The following SETDB1 variants were observed in gnomAD, a reference collection of about 807,000 sequenced individuals.
The protein encoded by SETDB1 is histone-lysine N-methyltransferase SETDB1.
A neutral mutation model predicts 137.4 loss-of-function variants in SETDB1; 31 were observed. That is an observed-to-expected ratio of 0.23 (90% confidence interval 0.17 to 0.30). The LOEUF (loss-of-function observed/expected upper bound fraction) is 0.30, where lower values mean the gene tolerates loss of function less well. SETDB1 is among the 10% of genes least tolerant of loss of function. SETDB1 has a pLI of 1.00. For synonymous variants in SETDB1, 548 were observed against 579.9 expected (o/e 0.95, Z 0.79); for missense variants, 1,113 against 1,631.5 (o/e 0.68, Z 5.47).
At chr1:150,951,704 C>T (rs1214220546) in intron 14 of SETDB1, among the ~76,000 whole-genome samples, 2 of 152,090 alleles carry the variant, frequency 1.3e-5, no homozygotes, top group Admixed American at 1.3e-4. Flanking sequence ...TAGTATCTAG[C>T]AATTTTCTGT....
chr1:150,930,531 T>TTC (rs1669695678), intron 3 of SETDB1: 1 of 130,894 alleles, frequency 7.6e-6, no homozygotes, highest in South Asian at 2.6e-4. Context: ...TTTTTTTTTT[T>TTC]TTTTTTTTTT....
intron 8 of SETDB1, among the ~76,000 whole-genome samples, chr1:150,944,562 A>G (rs1159569497): frequency 2.0e-5 from 3 of 152,204 alleles, no homozygotes; most frequent in East Asian, 1.9e-4. Context: ...AGGAAGGACT[A>G]ATTTTTTTCA....
intron 3 of SETDB1, among the ~76,000 whole-genome samples, chr1:150,938,182 C>T (rs1457209852): frequency 6.7e-6 from 1 of 148,298 alleles, no homozygotes; most frequent in East Asian, 2.0e-4. Context: ...GATCACACTA[C>T]TGCACTCCAG....
At position 150,950,914 on chromosome 1, in the gene SETDB1, T is replaced by A; in HGVS notation, c.2040T>A (p.Ile680=). The change falls in exon 13 of 22, where the codon ATT becomes ATA. Residue 680 remains isoleucine (I), a synonymous_variant. Coordinates refer to ENST00000692827, the MANE Select transcript of SETDB1 (RefSeq NM_001366418.1). ...AGCCCTATAAGCCTTTTTACTATAT[T>A]TTGGACATCACTTATGGGAAGGAAG... ...KFQPYKPFYY[I]LDITYGKEDV... 1.9e-6 allele frequency: 3 copies of A among 1,614,090 alleles called. No homozygotes were observed. Among genetic ancestry groups the A allele is most frequent in the Non-Finnish European group, 8.5e-7 (1 of 1,180,008 alleles).
At chr1:150,963,264 G>T in intron 19 of SETDB1, 125 bp downstream of exon 19, 1 of 904,594 alleles carries the variant, frequency 1.1e-6, no homozygotes, top group South Asian at 1.7e-5. Context: ...AGCATCTCTG[G>T]GAGGGCTTTC....
chr1:150,934,630 A>C (rs1669892272), intron 3 of SETDB1, among the ~76,000 whole-genome samples: 1 of 152,184 alleles, frequency 6.6e-6, no homozygotes. Flanking sequence ...TGTTTAAAGA[A>C]GGTAAGGGAA....
chr1:150,938,653 G>A (rs1670021488), intron 3 of SETDB1, among the ~76,000 whole-genome samples: 1 of 151,872 alleles, frequency 6.6e-6, no homozygotes. Flanking sequence ...ACAGGCACGT[G>A]CCACCATGCC....
intron 5 of SETDB1, 79 bp downstream of exon 5, chr1:150,941,507 ATTGT>A (rs1670148677): frequency 1.2e-6 from 1 of 846,754 alleles, no homozygotes; most frequent in South Asian, 1.5e-5. Flanking sequence ...ATGTCTGCTA[ATTGT>A]TTGTGACATG....
chr1:150,962,247 C>A, intron 17 of SETDB1, 89 bp downstream of exon 17: 1 of 1,140,302 alleles, frequency 8.8e-7, no homozygotes. Context: ...CAGCTCATTG[C>A]AACCTCCCCC....
chr1:150,958,254 C>CTT lies in SETDB1; in HGVS notation c.2334-910_2334-909dup, dbSNP rs374122454. Among the ~76,000 whole-genome samples, 258 of 94,074 alleles carry CTT rather than the reference C, an allele frequency of 2.7e-3. 2 individuals carry two copies. The highest frequency in any genetic ancestry group is 4.6e-3 in the African/African-American group (114 of 24,542). 61.7% of individuals were successfully genotyped at this position (94,074 alleles called of 152,430 possible). On this transcript the variant is annotated intron_variant, in intron 14 of 21. Transcript: ENST00000692827. ...TTTTTTTTTCTTTTTTTTCTTTTTT[C>CTT]TTTTTTTTTTTTTTTGTGACAGAGT...
intron 3 of SETDB1, among the ~76,000 whole-genome samples, chr1:150,931,450 C>T (rs1334653422): frequency 8.7e-5 from 13 of 149,082 alleles, no homozygotes; most frequent in Admixed American, 6.7e-4. Context: ...CTGGGCGTGG[C>T]GGCGGACGCC....
At chr1:150,930,653 A>T (rs999272128) in intron 3 of SETDB1, among the ~76,000 whole-genome samples, 5 of 140,384 alleles carry the variant, frequency 3.6e-5, no homozygotes, top group African/African-American at 1.3e-4. Context: ...TCGACCTCCC[A>T]ACTAGCTGGG....
chr1:150,962,810 T>G, intron 18 of SETDB1, 91 bp downstream of exon 18: 2 of 1,480,710 alleles, frequency 1.4e-6, no homozygotes, highest in Non-Finnish European at 1.9e-6. Flanking sequence ...CTGTTAGGTC[T>G]TCTCCTACTT....
intron 10 of SETDB1, among the ~76,000 whole-genome samples, chr1:150,947,895 G>C (rs797008931): frequency 6.6e-6 from 1 of 152,088 alleles, no homozygotes; most frequent in Admixed American, 6.6e-5. Context: ...TTTCCCCAAA[G>C]TATAACATAA....
chr1:150,938,749 C>T (rs914998062), intron 3 of SETDB1, among the ~76,000 whole-genome samples: 2 of 151,978 alleles, frequency 1.3e-5, no homozygotes, highest in African/African-American at 2.4e-5. Context: ...GGTGATCTGC[C>T]CACCTTGGCC....
chr1:150,964,631 A>G lies in SETDB1; in HGVS notation c.*267A>G, dbSNP rs1571668175. 1.6e-6 allele frequency: 1 copy of G among 630,232 alleles called. No individual in the cohort carries two copies. The highest frequency in any genetic ancestry group is 2.9e-6 in the Non-Finnish European group (1 of 350,262). 39.0% of individuals were successfully genotyped at this position (630,232 alleles called of 1,614,324 possible). A position where few individuals can be genotyped will look rare whatever the true frequency, so the allele number is the denominator to read the frequency against. ...ATCCCTCCCATCCCATATTTGTCCA[A>G]GTGTTCCTGCTTCTAACAGACTTTG... On this transcript the variant is annotated 3_prime_UTR_variant, in exon 22 of 22. Coordinates refer to ENST00000692827, the MANE Select transcript of SETDB1 (RefSeq NM_001366418.1).
intron 3 of SETDB1, among the ~76,000 whole-genome samples, chr1:150,934,873 G>A (rs1236626383): frequency 1.3e-5 from 2 of 151,498 alleles, no homozygotes; most frequent in African/African-American, 4.9e-5. Context: ...CCAGGCTGGA[G>A]TGCAGTGGTG....
chr1:150,950,369 T>G, intron 12 of SETDB1, 89 bp from the exon 13 acceptor site: 179 of 1,132,024 alleles, frequency 1.6e-4, no homozygotes, highest in Non-Finnish European at 2.1e-4. Flanking sequence ...GTTTGAAAGA[T>G]GAGAGAAATG....
chr1:150,950,156 C>G (rs779708863), intron 12 of SETDB1, among the ~76,000 whole-genome samples: 2 of 151,960 alleles, frequency 1.3e-5, no homozygotes, highest in Admixed American at 6.6e-5. Context: ...ATCGCTTGAA[C>G]CCAGGAGGCA....
Sources: allele counts gnomAD v4.1 joint callset (sites outside exome capture counted in the v4.1 genomes callset), GRCh38; gene constraint gnomAD v4.1.1; transcripts MANE v1.5; gene names NCBI Gene and HGNC (gene_info 2026-07-23, HGNC 2026-07-21).